The following TBC1D4 variants were observed in gnomAD, a reference collection of about 807,000 sequenced individuals.
The protein encoded by TBC1D4 is TBC (Tre-2, BUB2, CDC16) domain-containing protein.
A neutral mutation model predicts 142.5 loss-of-function variants in TBC1D4; 121 were observed. The observed-to-expected ratio is 0.85, with a 90% CI of 0.73 to 0.99. TBC1D4 has a LOEUF of 0.99. Among genes scored for constraint, TBC1D4 ranks in the 50% least tolerant of loss-of-function variants. TBC1D4 has a pLI of 0.00. For synonymous variants in TBC1D4, 630 were observed against 628.2 expected (o/e 1.00, Z -0.04); for missense variants, 1,475 against 1,606.6 (o/e 0.92, Z 1.40).
At chr13:75,447,981 GTAA>G (rs541010875) in intron 1 of TBC1D4, among the ~76,000 whole-genome samples, 300 of 152,066 alleles carry the variant, frequency 2.0e-3, no homozygotes, top group African/African-American at 6.8e-3. Context: ...ATATTAAAAT[GTAA>G]TAATAATAAT....
At position 75,377,835 on chromosome 13, in the gene TBC1D4, G is replaced by A. The variant is rs149190258; in HGVS notation, c.499-15228C>T. On this transcript the variant is annotated intron_variant, in intron 1 of 20. Transcript: ENST00000377636. ...TCTATCTACATATCTATCATAAACCGGGCCTGATAGAGTTCACTGGTGAAT... is the reference window on the plus strand; with the variant it reads ...TCTATCTACATATCTATCATAAACCAGGCCTGATAGAGTTCACTGGTGAAT... Among the ~76,000 whole-genome samples the A allele has an allele frequency of 8.8e-4, 133 of 151,140 alleles. 1 individual carries two copies. The highest frequency in any genetic ancestry group is 2.8e-3 in the African/African-American group (116 of 41,202).
chr13:75,322,476 CA>C (rs1436284223), intron 11 of TBC1D4, among the ~76,000 whole-genome samples: 1 of 152,032 alleles, frequency 6.6e-6, no homozygotes, highest in Non-Finnish European at 1.5e-5. Context: ...AAGCTATTGG[CA>C]AAAAGAACAC....
At chr13:75,393,153 ACACT>A (rs1414040625) in intron 1 of TBC1D4, among the ~76,000 whole-genome samples, 1,629 of 133,872 alleles carry the variant, frequency 0.012, 37 homozygotes, top group African/African-American at 0.058. Context: ...ACACACACAC[ACACT>A]CAGTCTTTGT....
rs1021034634 is a variant in TBC1D4, at chr13:75,324,870, G to A, written c.2034-469C>T. On this transcript the variant is annotated intron_variant, in intron 10 of 20. Coordinates refer to ENST00000377636, the MANE Select transcript of TBC1D4 (RefSeq NM_014832.5). The stretch of plus-strand genomic sequence containing the variant: ...TTTGGTTGTTGGAAGTTATCATAAT[G>A]CCTTTGGCTTAACAAACATTAATGT... Among the ~76,000 whole-genome samples the A allele has an allele frequency of 2.6e-5, 4 of 152,258 alleles. No individual in the cohort carries two copies. The South Asian group carries it at 8.3e-4, about 32-fold the overall frequency.
At chr13:75,408,976 T>C (rs1885468229) in intron 1 of TBC1D4, among the ~76,000 whole-genome samples, 1 of 152,102 alleles carries the variant, frequency 6.6e-6, no homozygotes, top group African/African-American at 2.4e-5. Flanking sequence ...TTCCCTCTGA[T>C]ATATGATTGC....
At chr13:75,374,436 C>T (rs561764439) in intron 1 of TBC1D4, among the ~76,000 whole-genome samples, 4 of 152,180 alleles carry the variant, frequency 2.6e-5, no homozygotes, top group African/African-American at 7.2e-5. Flanking sequence ...GAAGCGCTCA[C>T]CTTAGAATTT....
At chr13:75,310,459 T>A (rs1289418742) in intron 13 of TBC1D4, among the ~76,000 whole-genome samples, 1 of 152,108 alleles carries the variant, frequency 6.6e-6, no homozygotes, top group East Asian at 1.9e-4. Context: ...CTTCTGCAAT[T>A]TACTTACGTA....
At chr13:75,388,523 GT>G (rs768910875) in intron 1 of TBC1D4, among the ~76,000 whole-genome samples, 2 of 152,108 alleles carry the variant, frequency 1.3e-5, no homozygotes, top group African/African-American at 4.8e-5. Flanking sequence ...GTCTGGCTGG[GT>G]TTTTTGCTAT....
At chr13:75,338,558 C>T (rs1001471711) in intron 7 of TBC1D4, among the ~76,000 whole-genome samples, 3 of 152,188 alleles carry the variant, frequency 2.0e-5, no homozygotes, top group African/African-American at 7.2e-5. Flanking sequence ...AAATCTCCTC[C>T]TGTATGATCA....
intron 1 of TBC1D4, among the ~76,000 whole-genome samples, chr13:75,474,375 C>T (rs1313834484): frequency 1.3e-5 from 2 of 152,148 alleles, no homozygotes; most frequent in Non-Finnish European, 2.9e-5. Flanking sequence ...CTGGCTAACA[C>T]GGTGAAACCC....
At position 75,407,593 on chromosome 13, in the gene TBC1D4, G is replaced by A. The variant is rs1385848598; in HGVS notation, c.499-44986C>T. 4.6e-5 allele frequency among the ~76,000 whole-genome samples: 7 copies of A among 152,218 alleles called. No individual in the cohort carries two copies. In the East Asian group the frequency reaches 9.7e-4, roughly 21 times the overall value. ...CTACATACAAGACTTGCAGAATCTCGGCATCTCTGAGGAAGGATGCAAAGG... is the reference window on the plus strand; with the variant it reads ...CTACATACAAGACTTGCAGAATCTCAGCATCTCTGAGGAAGGATGCAAAGG... On this transcript the variant is annotated intron_variant, in intron 1 of 20. Transcript: ENST00000377636.
At chr13:75,326,776 T>C (rs953057158) in intron 9 of TBC1D4, among the ~76,000 whole-genome samples, 5 of 152,166 alleles carry the variant, frequency 3.3e-5, no homozygotes, top group African/African-American at 1.2e-4. Context: ...ACTGTACTTC[T>C]CTCACTGTTG....
chr13:75,343,990 A>C (rs1020662595), intron 5 of TBC1D4, among the ~76,000 whole-genome samples: 37 of 151,702 alleles, frequency 2.4e-4, no homozygotes, highest in African/African-American at 8.7e-4. Flanking sequence ...ACAGGTGCCC[A>C]CCACCATGCC....
At chr13:75,320,142 A>T (rs1296912552) in intron 11 of TBC1D4, 105 bp from the exon 12 acceptor site, 2 of 1,246,288 alleles carry the variant, frequency 1.6e-6, no homozygotes, top group Non-Finnish European at 2.3e-6. Flanking sequence ...AGTCATGGTA[A>T]GGTTACTTCA....
intron 1 of TBC1D4, among the ~76,000 whole-genome samples, chr13:75,407,973 A>G (rs1248441995): frequency 2.6e-5 from 4 of 152,214 alleles, no homozygotes; most frequent in Admixed American, 2.6e-4. Context: ...TTATTAATAT[A>G]TAATTTACAT....
chr13:75,316,179 T>C (rs948531575), intron 12 of TBC1D4, among the ~76,000 whole-genome samples: 3 of 152,186 alleles, frequency 2.0e-5, no homozygotes, highest in Non-Finnish European at 4.4e-5. Flanking sequence ...GCTAATGACA[T>C]ATCAAGTGTT....
chr13:75,292,484 G>T (rs1157488972), intron 18 of TBC1D4, among the ~76,000 whole-genome samples: 1 of 151,978 alleles, frequency 6.6e-6, no homozygotes, highest in Non-Finnish European at 1.5e-5. Flanking sequence ...GATAAAGCCA[G>T]GGTAAAAAAG....
intron 1 of TBC1D4, among the ~76,000 whole-genome samples, chr13:75,476,121 T>C (rs1293240190): frequency 1.3e-5 from 2 of 152,116 alleles, no homozygotes; most frequent in African/African-American, 4.8e-5. Flanking sequence ...TGCACTCCTA[T>C]AATCCCAGCT....
intron 1 of TBC1D4, among the ~76,000 whole-genome samples, chr13:75,454,286 G>T (rs1314701649): frequency 2.6e-5 from 4 of 152,126 alleles, no homozygotes; most frequent in Admixed American, 6.6e-5. Context: ...AAAGTTCTGG[G>T]ATTACAGGTG....
Sources: gnomAD v4.1 joint callset for allele counts (sites outside exome capture counted in the v4.1 genomes callset) on GRCh38, gnomAD v4.1.1 for gene constraint, MANE v1.5 for transcripts, NCBI Gene and HGNC (gene_info 2026-07-23, HGNC 2026-07-21) for gene names.